PDSS2: variants seen among roughly 807,000 people sequenced by gnomAD.
The protein encoded by PDSS2 is decaprenyl diphosphate synthase subunit 2, also known as all trans-polyprenyl-diphosphate synthase PDSS2.
Under a neutral mutation model 44.5 loss-of-function variants are expected in PDSS2, and 31 were observed. The ratio of observed to expected loss-of-function variants is 0.70; its 90% CI spans 0.52 to 0.94. PDSS2 has a LOEUF of 0.94. Among genes scored for constraint, PDSS2 ranks in the 40% least tolerant of loss-of-function variants. The probability of loss-of-function intolerance (pLI) is 0.00; values close to 1 mark genes in which losing one functional copy is unlikely to be tolerated. For missense variants in PDSS2, 452 were observed against 482.2 expected, an observed-to-expected ratio of 0.94 and a Z score of 0.59; for synonymous variants, 157 against 180.3, an observed-to-expected ratio of 0.87 and a Z score of 1.03.
At chr6:107,199,609 T>G (rs1238258938) in intron 6 of PDSS2, among the ~76,000 whole-genome samples, 8 of 152,258 alleles carry the variant, frequency 5.3e-5, no homozygotes, top group Non-Finnish European at 1.2e-4. Context: ...TACACAATAC[T>G]GTTTTAGATA....
intron 1 of PDSS2, among the ~76,000 whole-genome samples, chr6:107,453,889 A>G (rs1781952615): frequency 6.6e-6 from 1 of 152,286 alleles, no homozygotes; most frequent in South Asian, 2.1e-4. Flanking sequence ...CCATCCTTCA[A>G]TGGAGTCCCA....
chr6:107,298,982 A>G (rs760914035), intron 2 of PDSS2, among the ~76,000 whole-genome samples: 8 of 152,136 alleles, frequency 5.3e-5, no homozygotes, highest in Middle Eastern at 3.4e-3. Context: ...TTTCTACTAA[A>G]AATACAAAAA....
chr6:107,286,393 C>T (rs568522898), intron 2 of PDSS2, among the ~76,000 whole-genome samples: 1 of 151,666 alleles, frequency 6.6e-6, no homozygotes, highest in Non-Finnish European at 1.5e-5. Context: ...GCCTGTAATC[C>T]CAGCTACTCG....
chr6:107,442,497 T>C (rs1168850263), intron 1 of PDSS2, among the ~76,000 whole-genome samples: 3 of 152,214 alleles, frequency 2.0e-5, no homozygotes, highest in Non-Finnish European at 4.4e-5. Context: ...GATAATTCTA[T>C]ACTTCCTCCC....
rs1338155254 is a variant in PDSS2, at chr6:107,154,043, C to T, written c.*576G>A. The T allele has an allele frequency of 1.3e-5, 2 of 154,718 alleles. No homozygotes were observed. Among genetic ancestry groups the T allele is most frequent in the Non-Finnish European group, 2.9e-5 (2 of 69,890 alleles). The allele number at this position is 154,718 out of a possible 1,614,324, so 9.6% of individuals were successfully genotyped here. On this transcript the variant is annotated 3_prime_UTR_variant, in exon 8 of 8. Coordinates refer to ENST00000369037, the MANE Select transcript of PDSS2 (RefSeq NM_020381.4). ...TGAGTCAAAACTGCACCATTGCACT[C>T]CAGCCTGGGCAACAAGAGCAAAACT...
At chr6:107,216,381 G>A (rs1315751739) in intron 4 of PDSS2, among the ~76,000 whole-genome samples, 1 of 151,940 alleles carries the variant, frequency 6.6e-6, no homozygotes, top group East Asian at 1.9e-4. Context: ...GCTGAGGCAG[G>A]AGGATCACTC....
At position 107,183,767 on chromosome 6, in the gene PDSS2, C is replaced by T. The variant is rs180991090; in HGVS notation, c.1041+10055G>A. Among the ~76,000 whole-genome samples, 15 of 152,224 alleles carry T rather than the reference C, an allele frequency of 9.9e-5. No individual in the cohort carries two copies. The East Asian group carries it at 2.5e-3, about 26-fold the overall frequency. On this transcript the variant is annotated intron_variant, in intron 7 of 7. Coordinates refer to ENST00000369037, the MANE Select transcript of PDSS2 (RefSeq NM_020381.4). ...AAAATTAGCTGGGTGCAGTGGTGCACACCTGTAGTCGCAGCTACTTGGGAG... is the reference window on the plus strand; with the variant it reads ...AAAATTAGCTGGGTGCAGTGGTGCATACCTGTAGTCGCAGCTACTTGGGAG...
chr6:107,429,884 C>CAAAA (rs1163895804), intron 1 of PDSS2, among the ~76,000 whole-genome samples: 68 of 5,338 alleles, frequency 0.013, 9 homozygotes, highest in South Asian at 0.034. Context: ...AACTTAGTCT[C>CAAAA]AAAAAAAAAA....
intron 2 of PDSS2, among the ~76,000 whole-genome samples, chr6:107,333,028 C>G (rs1031137489): frequency 6.6e-6 from 1 of 152,086 alleles, no homozygotes; most frequent in Non-Finnish European, 1.5e-5. Flanking sequence ...TGGCAAGCAA[C>G]AGTAATCCCT....
chr6:107,415,496 T>C (rs1227342264), intron 1 of PDSS2, among the ~76,000 whole-genome samples: 1 of 152,060 alleles, frequency 6.6e-6, no homozygotes, highest in Non-Finnish European at 1.5e-5. Flanking sequence ...CTGTCTCCTT[T>C]GGTTGCTAAG....
At chr6:107,186,493 T>C (rs1341681379) in intron 7 of PDSS2, among the ~76,000 whole-genome samples, 1 of 152,192 alleles carries the variant, frequency 6.6e-6, no homozygotes, top group Non-Finnish European at 1.5e-5. Context: ...TTTTACTCTT[T>C]ATTATTTTAA....
chr6:107,430,368 C>A (rs1016865111), intron 1 of PDSS2, among the ~76,000 whole-genome samples: 2 of 151,890 alleles, frequency 1.3e-5, no homozygotes, highest in African/African-American at 4.8e-5. Flanking sequence ...GGCGTGGTGG[C>A]GTGCATCTAT....
chr6:107,334,144 A>G, intron 2 of PDSS2, 54 bp downstream of exon 2: 2 of 1,481,280 alleles, frequency 1.4e-6, no homozygotes, highest in Non-Finnish European at 1.9e-6. Context: ...ACCTCTGTCC[A>G]GTAAAAGAAA....
intron 4 of PDSS2, among the ~76,000 whole-genome samples, chr6:107,240,796 GA>G (rs942483962): frequency 7.9e-5 from 12 of 151,946 alleles, no homozygotes; most frequent in African/African-American, 2.4e-4. Context: ...AAAAAGCAGA[GA>G]GGGGAGATAT....
chr6:107,411,578 A>T (rs1780494937), intron 1 of PDSS2, among the ~76,000 whole-genome samples: 1 of 152,140 alleles, frequency 6.6e-6, no homozygotes, highest in African/African-American at 2.4e-5. Context: ...ACAGATCAAA[A>T]ATATTCAGAA....
intron 7 of PDSS2, among the ~76,000 whole-genome samples, chr6:107,167,689 A>G (rs201874071): frequency 3.3e-5 from 5 of 152,038 alleles, no homozygotes; most frequent in Non-Finnish European, 5.9e-5. Flanking sequence ...CTTTGTTCTC[A>G]TTGGTTTCAA....
At chr6:107,169,751 C>A (rs369912366) in intron 7 of PDSS2, among the ~76,000 whole-genome samples, 2 of 152,116 alleles carry the variant, frequency 1.3e-5, no homozygotes, top group African/African-American at 4.8e-5. Flanking sequence ...CACTCCAGAC[C>A]CTGTTTGCCT....
chr6:107,409,057 C>A (rs576257075), intron 1 of PDSS2, among the ~76,000 whole-genome samples: 5 of 152,184 alleles, frequency 3.3e-5, no homozygotes, highest in African/African-American at 1.2e-4. Flanking sequence ...AAGTTAAAAC[C>A]TGACACTTAG....
At chr6:107,178,203 G>A (rs560706257) in intron 7 of PDSS2, among the ~76,000 whole-genome samples, 6 of 152,184 alleles carry the variant, frequency 3.9e-5, no homozygotes, top group African/African-American at 7.2e-5. Context: ...CACCTCAAAC[G>A]ACAGAGAAAT....
Sources: gnomAD v4.1 joint callset for allele counts (sites outside exome capture counted in the v4.1 genomes callset) on GRCh38, gnomAD v4.1.1 for gene constraint, MANE v1.5 for transcripts, NCBI Gene and HGNC (gene_info 2026-07-23, HGNC 2026-07-21) for gene names.